The following KDM1B variants were observed in gnomAD, a reference collection of about 807,000 sequenced individuals.
KDM1B encodes lysine-specific histone demethylase 2.
In KDM1B, 63 loss-of-function variants were observed where a neutral mutation model predicts 107.4. The ratio of observed to expected loss-of-function variants is 0.59; its 90% CI spans 0.48 to 0.72. The LOEUF is 0.72. KDM1B is among the 30% of genes least tolerant of loss of function. The pLI, the probability that KDM1B is intolerant of heterozygous loss-of-function variation, is 0.00. For synonymous variants in KDM1B, 363 were observed against 363.9 expected, an observed-to-expected ratio of 1.00 and a Z score of 0.03; for missense variants, 749 against 1,020.8, an observed-to-expected ratio of 0.73 and a Z score of 3.63.
rs1393706328 is a variant in KDM1B, at chr6:18,200,122, C to T, written c.1222-317C>T. On this transcript the variant is annotated intron_variant, in intron 12 of 21. Transcript: ENST00000650836. The surrounding 1 kb of genome is among the most constrained non-coding windows in gnomAD (Gnocchi z 4.3). ...CTCTTGGCCTCATGTGATCCTCCTG[C>T]CTCGGCCTCCCAAAGTGCTGGTATT... 6.6e-6 allele frequency among the ~76,000 whole-genome samples: 1 copy of T among 152,194 alleles called. No individual in the cohort carries two copies. Among genetic ancestry groups the T allele is most frequent in the Non-Finnish European group, 1.5e-5 (1 of 68,038 alleles).
rs1374638112 is a variant in KDM1B, at chr6:18,222,394, G to A, written c.*402G>A. ...AGGAATCATTTAAAAACCAGATAAA[G>A]CCATGTTTTTCTTCTGTGACAATTT... is the stretch of plus-strand genomic sequence containing the variant. On this transcript the variant is annotated 3_prime_UTR_variant, in exon 22 of 22. Coordinates refer to ENST00000650836, the MANE Select transcript of KDM1B (RefSeq NM_001364614.2). The A allele has an allele frequency of 2.0e-5, 6 of 303,308 alleles. No homozygotes were observed. Among genetic ancestry groups the A allele is most frequent in the African/African-American group, 1.3e-4 (6 of 45,190 alleles). The allele number at this position is 303,308 out of a possible 1,614,324, so 18.8% of individuals were successfully genotyped here.
chr6:18,184,369 G>T (rs1786693450), intron 7 of KDM1B, among the ~76,000 whole-genome samples: 1 of 147,190 alleles, frequency 6.8e-6, no homozygotes, highest in Non-Finnish European at 1.5e-5. Flanking sequence ...CCGCCTTCCA[G>T]GTTCAAGTGA....
intron 9 of KDM1B, among the ~76,000 whole-genome samples, chr6:18,190,976 C>T (rs1787247728): frequency 6.6e-6 from 1 of 151,662 alleles, no homozygotes; most frequent in African/African-American, 2.4e-5. Context: ...ATAATTTTTC[C>T]ATGCTATGGA....
rs192074681 is a variant in KDM1B at position 18,217,433 on chromosome 6, C to T, written c.2233-300C>T. ...TGGCTCTGTTGCCCAGGCTGGAGTG[C>T]AGTGGCGCGATCTCGGCTCACTGCA... On this transcript the variant is annotated intron_variant, in intron 20 of 21. Transcript: ENST00000650836. Among the ~76,000 whole-genome samples, 426 of 146,134 alleles carry T rather than the reference C, an allele frequency of 2.9e-3. 4 individuals carry two copies. Among genetic ancestry groups the T allele is most frequent in the African/African-American group, 0.01 (397 of 39,144 alleles).
Position 18,207,412 on chromosome 6 carries a change from G to C in KDM1B, c.1674G>C (p.Ser558=). 1 of 1,614,134 alleles carries C rather than the reference G, an allele frequency of 6.2e-7. No homozygotes were observed. The highest frequency in any genetic ancestry group is 1.1e-5 in the South Asian group (1 of 91,080). Residue 558 remains serine, a synonymous_variant, in exon 16 of 22, where the codon TCG becomes TCC. Transcript: ENST00000650836. The part of the protein sequence containing the change: ...GSNLHQVSAR[S]WDHNEFFAQF... ...TTGTTTCCCAGGTATCTGCTCGCTC[G>C]TGGGACCACAATGAATTCTTTGCCC...
intron 6 of KDM1B, 88 bp downstream of exon 6, chr6:18,166,466 T>G: frequency 1.3e-6 from 1 of 758,010 alleles, no homozygotes; most frequent in Non-Finnish European, 2.4e-6. Flanking sequence ...GGAAATCTCC[T>G]ATTACATTTA....
At position 18,187,993 on chromosome 6, in the gene KDM1B, T is replaced by A; in HGVS notation, c.775T>A (p.Ser259Thr). Reference protein sequence around the residue: ...GKLEHSKAALSVHVPGMNRYF... With the variant: ...GKLEHSKAALTVHVPGMNRYF... Reference sequence around the variant, plus strand: ...GCTGGAGCACTCCAAGGCTGCCCTCTCCGTGCACGGTGAGAGCCATTCCTG... The same window carrying A: ...GCTGGAGCACTCCAAGGCTGCCCTCACCGTGCACGGTGAGAGCCATTCCTG... Residue 259 changes from serine to threonine, a missense_variant, in exon 9 of 22, where the codon TCC (serine) becomes ACC (threonine). By Grantham distance (58) the Ser-to-Thr change is moderately conservative. Transcript: ENST00000650836. The A allele has an allele frequency of 6.5e-7, 1 of 1,550,126 alleles. No homozygotes were observed. The highest frequency in any genetic ancestry group is 8.7e-7 in the Non-Finnish European group (1 of 1,146,728).
Position 18,188,015 on chromosome 6 carries a change from C to T in KDM1B, c.784+13C>T. 2 of 1,544,198 alleles carry T rather than the reference C, an allele frequency of 1.3e-6. No homozygotes were observed. Among genetic ancestry groups the T allele is most frequent in the East Asian group, 2.4e-5 (1 of 40,852 alleles). On this transcript the variant is annotated intron_variant, in intron 9 of 21. Coordinates refer to ENST00000650836, the MANE Select transcript of KDM1B (RefSeq NM_001364614.2). ...CTCTCCGTGCACGGTGAGAGCCATT[C>T]CTGGGACTCCCTGCTTTCTATTCCC...
intron 10 of KDM1B, among the ~76,000 whole-genome samples, chr6:18,193,768 C>T (rs1043638317): frequency 6.6e-6 from 1 of 151,918 alleles, no homozygotes; most frequent in Non-Finnish European, 1.5e-5. Flanking sequence ...CTGCTTGGTG[C>T]CTGTTCTTGC....
chr6:18,211,122 T>G lies in KDM1B; in HGVS notation c.1867-1366T>G, dbSNP rs1788823720. 6.6e-6 allele frequency among the ~76,000 whole-genome samples: 1 copy of G among 151,934 alleles called. No homozygotes were observed. Among genetic ancestry groups the G allele is most frequent in the Non-Finnish European group, 1.5e-5 (1 of 68,034 alleles). On this transcript the variant is annotated intron_variant, in intron 17 of 21. Coordinates refer to ENST00000650836, the MANE Select transcript of KDM1B (RefSeq NM_001364614.2). The surrounding 1 kb of genome is among the most constrained non-coding windows in gnomAD (Gnocchi z 5.2). ...GCATGGTAATTATCTATAAATAGAT[T>G]ATAAACTTCTTGATGATAGAGAGCA...
chr6:18,196,358 A>G (rs1393644691), intron 10 of KDM1B, among the ~76,000 whole-genome samples: 1 of 152,076 alleles, frequency 6.6e-6, no homozygotes, highest in East Asian at 1.9e-4. Flanking sequence ...GGGTTGCTGG[A>G]TCGTATGGTA....
chr6:18,166,396 CT>C lies in KDM1B; in HGVS notation c.417+19del. On this transcript the variant is annotated intron_variant, in intron 6 of 21. Transcript: ENST00000650836. Reference sequence around the variant, plus strand: ...CCTACTGGGTAAGGAGAGTGATGCTCTCTGTCTGTGAAGTATTTGTGGAGCC... The same window carrying C: ...CCTACTGGGTAAGGAGAGTGATGCTCCTGTCTGTGAAGTATTTGTGGAGCC... 1 of 1,421,262 alleles carries C rather than the reference CT, an allele frequency of 7.0e-7. No individual in the cohort carries two copies. Among genetic ancestry groups the C allele is most frequent in the South Asian group, 1.1e-5 (1 of 87,064 alleles). 88.0% of individuals were successfully genotyped at this position (1,421,262 alleles called of 1,614,324 possible).
chr6:18,222,075 G>A lies in KDM1B; in HGVS notation c.*83G>A, dbSNP rs552444850. 4.1e-6 allele frequency: 5 copies of A among 1,211,880 alleles called. No individual in the cohort carries two copies. The African/African-American group carries it at 6.0e-5, about 15-fold the overall frequency. 75.1% of individuals were successfully genotyped at this position (1,211,880 alleles called of 1,614,324 possible). On this transcript the variant is annotated 3_prime_UTR_variant, in exon 22 of 22. Coordinates refer to ENST00000650836, the MANE Select transcript of KDM1B (RefSeq NM_001364614.2). The stretch of plus-strand genomic sequence containing the variant: ...TTAAACCTCAGTTTTATAAGAGGGG[G>A]AAAAAACCGTCTCTACATAGTAAAA...
chr6:18,167,617 G>A (rs1020993497), intron 6 of KDM1B, among the ~76,000 whole-genome samples: 7 of 150,664 alleles, frequency 4.6e-5, no homozygotes, highest in African/African-American at 7.3e-5. Flanking sequence ...GGGACTCTCC[G>A]CACATGCTAC....
rs576092115 is a variant in KDM1B at position 18,212,234 on chromosome 6, C to T, written c.1867-254C>T. 5.1e-5 allele frequency: 22 copies of T among 431,586 alleles called. No homozygotes were observed. The highest frequency in any genetic ancestry group is 4.0e-4 in the South Asian group (15 of 37,864). The allele number at this position is 431,586 out of a possible 1,614,324, so 26.7% of individuals were successfully genotyped here. On this transcript the variant is annotated intron_variant, in intron 17 of 21. Coordinates refer to ENST00000650836, the MANE Select transcript of KDM1B (RefSeq NM_001364614.2). The surrounding 1 kb of genome is among the most constrained non-coding windows in gnomAD (Gnocchi z 5.2). ...TGCTGGGATTACAGGCATGAGCCAC[C>T]GCACCTGGCCTCTGCTGACTCTTCT...
At chr6:18,192,478 A>G (rs764406061) in intron 10 of KDM1B, among the ~76,000 whole-genome samples, 3 of 152,208 alleles carry the variant, frequency 2.0e-5, no homozygotes, top group South Asian at 2.1e-4. Flanking sequence ...TAATGCAACT[A>G]TATGAATTAT....
Position 18,197,102 on chromosome 6 carries a change from G to A in KDM1B, c.1015G>A (p.Gly339Ser). 2 of 1,613,880 alleles carry A rather than the reference G, an allele frequency of 1.2e-6. No homozygotes were observed. The highest frequency in any genetic ancestry group is 1.7e-6 in the Non-Finnish European group (2 of 1,179,870). Residue 339 changes from glycine (G) to serine (S), a missense_variant, in exon 11 of 22, where the codon GGT becomes AGT. Physicochemically the swap from Gly to Ser is moderately conservative, Grantham distance 56 (BLOSUM62 0). Coordinates refer to ENST00000650836, the MANE Select transcript of KDM1B (RefSeq NM_001364614.2). This position sits in a 1 kb window ranked among gnomAD's most constrained non-coding sequence, Gnocchi z 4.5. ...ATGTATTCCTCACATCATCGTCCGG[G>A]GTCTCGTGCGTATTCGATGCGTTCA... Reference protein sequence around the residue: ...QKCIPHIIVRGLVRIRCVQEV... With the variant: ...QKCIPHIIVRSLVRIRCVQEV...
chr6:18,156,413 G>A (rs1784611805), intron 2 of KDM1B, among the ~76,000 whole-genome samples: 1 of 152,120 alleles, frequency 6.6e-6, no homozygotes, highest in South Asian at 2.1e-4. Context: ...ACTCCAGTTG[G>A]GGAATCCCCC....
Position 18,162,480 on chromosome 6 carries a change from C to T in KDM1B, c.216-355C>T, listed in dbSNP as rs1369815097. ...CAGATTTCAGCTGACCAGATTCCCT[C>T]GCTGTTCAGTACTGGGCCCCACGTT... is the stretch of plus-strand genomic sequence containing the variant. On this transcript the variant is annotated intron_variant, in intron 4 of 21. Transcript: ENST00000650836. This position sits in a 1 kb window ranked among gnomAD's most constrained non-coding sequence, Gnocchi z 4.1. Among the ~76,000 whole-genome samples the T allele has an allele frequency of 2.0e-5, 3 of 152,172 alleles. No individual in the cohort carries two copies. Among genetic ancestry groups the T allele is most frequent in the Admixed American group, 6.5e-5 (1 of 15,272 alleles).
Sources: gnomAD v4.1 joint callset for allele counts (sites outside exome capture counted in the v4.1 genomes callset) on GRCh38, gnomAD v4.1.1 for gene constraint, Gnocchi (gnomAD v3.1) non-coding constraint, MANE v1.5 for transcripts, NCBI Gene and HGNC (gene_info 2026-07-23, HGNC 2026-07-21) for gene names.